DSCAM: variants seen among roughly 807,000 people sequenced by gnomAD.
DSCAM encodes DS cell adhesion molecule.
Under a neutral mutation model 217.7 loss-of-function variants are expected in DSCAM, and 47 were observed. The ratio of observed to expected loss-of-function variants is 0.22; its 90% CI spans 0.17 to 0.28. The LOEUF is 0.28. Ranked by LOEUF, DSCAM falls within the 10% of genes least tolerant of loss-of-function variation. The pLI is 1.00. For missense variants in DSCAM, 2,080 were observed against 2,618.3 expected (o/e 0.79, Z 4.49); for synonymous variants, 1,056 against 1,015.3 (o/e 1.04, Z -0.76).
chr21:40,724,808 G>A lies in DSCAM; in HGVS notation c.44-16037C>T, dbSNP rs13051657. Among the ~76,000 whole-genome samples the A allele has an allele frequency of 3.7e-3, 559 of 152,264 alleles. 2 individuals are homozygous for A. The highest frequency in any genetic ancestry group is 6.7e-3 in the Non-Finnish European group (456 of 68,018). On this transcript the variant is annotated intron_variant, in intron 1 of 32. Transcript: ENST00000400454. ...TCTTAGTTTCATTGACTAATACACT[G>A]TTGAGCATTATTTTCTTTTGCTAGA...
At chr21:40,137,275 C>A (rs2090223071) in intron 18 of DSCAM, among the ~76,000 whole-genome samples, 2 of 135,210 alleles carry the variant, frequency 1.5e-5, no homozygotes, top group Admixed American at 7.6e-5. Flanking sequence ...GGGGGGGGTT[C>A]AAGTTATTTT....
chr21:40,308,757 A>G (rs543396681), intron 9 of DSCAM, among the ~76,000 whole-genome samples: 2 of 152,226 alleles, frequency 1.3e-5, no homozygotes, highest in South Asian at 4.1e-4. Flanking sequence ...TATTAGACCA[A>G]TTTTATAGTT....
intron 24 of DSCAM, among the ~76,000 whole-genome samples, chr21:40,081,766 C>T (rs2089464395): frequency 2.0e-5 from 3 of 152,194 alleles, no homozygotes; most frequent in Admixed American, 6.5e-5. Flanking sequence ...AGTGTGGGCA[C>T]ACAACTTACG....
intron 32 of DSCAM, among the ~76,000 whole-genome samples, chr21:40,020,908 C>T (rs1182477041): frequency 6.6e-6 from 1 of 152,118 alleles, no homozygotes; most frequent in Non-Finnish European, 1.5e-5. Context: ...GCCCTGAGGC[C>T]AATGCCCTTC....
chr21:40,260,610 A>G (rs1005699179), intron 11 of DSCAM, among the ~76,000 whole-genome samples: 2 of 152,196 alleles, frequency 1.3e-5, no homozygotes, highest in East Asian at 1.9e-4. Flanking sequence ...CTTGCATTCT[A>G]CAAAGAATAA....
chr21:40,520,575 G>A (rs1455334217), intron 3 of DSCAM, among the ~76,000 whole-genome samples: 6 of 152,086 alleles, frequency 3.9e-5, no homozygotes, highest in African/African-American at 1.2e-4. Context: ...TTGGGAGGCC[G>A]AGGCGGGCAG....
intron 24 of DSCAM, among the ~76,000 whole-genome samples, chr21:40,083,462 C>T (rs1183946758): frequency 1.3e-5 from 2 of 152,218 alleles, no homozygotes; most frequent in Non-Finnish European, 2.9e-5. Flanking sequence ...CTTGTTTATA[C>T]ACCTCAACTA....
intron 19 of DSCAM, among the ~76,000 whole-genome samples, chr21:40,125,350 C>T (rs1168734561): frequency 1.3e-5 from 2 of 152,096 alleles, no homozygotes; most frequent in Non-Finnish European, 2.9e-5. Flanking sequence ...GTCAAAGGTG[C>T]CAGTGAGGAA....
chr21:40,291,086 C>T (rs2073886391), intron 10 of DSCAM, among the ~76,000 whole-genome samples: 1 of 152,202 alleles, frequency 6.6e-6, no homozygotes, highest in African/African-American at 2.4e-5. Flanking sequence ...GTCGTCCTGT[C>T]TGTCACCGGC....
At position 40,251,308 on chromosome 21, in the gene DSCAM, G is replaced by A. The variant is rs558303942; in HGVS notation, c.2356+24789C>T. Among the ~76,000 whole-genome samples, 10 of 152,266 alleles carry A rather than the reference G, an allele frequency of 6.6e-5. No individual in the cohort carries two copies. In the East Asian group the frequency reaches 1.9e-3, roughly 29 times the overall value. On this transcript the variant is annotated intron_variant, in intron 11 of 32. Coordinates refer to ENST00000400454, the MANE Select transcript of DSCAM (RefSeq NM_001389.5). Reference sequence around the variant, plus strand: ...GCTAAGTTATTAAACAGTACATTCAGATGTTTCTAGTTACAGAAAAATGCT... The same window carrying A: ...GCTAAGTTATTAAACAGTACATTCAAATGTTTCTAGTTACAGAAAAATGCT...
intron 15 of DSCAM, among the ~76,000 whole-genome samples, chr21:40,174,211 G>A (rs765795224): frequency 2.0e-5 from 3 of 152,292 alleles, no homozygotes; most frequent in Admixed American, 1.3e-4. Context: ...TGAAGACTGC[G>A]CTGAATGGTG....
At chr21:40,178,797 C>G (rs1052324988) in intron 15 of DSCAM, 130 bp downstream of exon 15, 2 of 1,101,602 alleles carry the variant, frequency 1.8e-6, no homozygotes, top group Non-Finnish European at 2.6e-6. Flanking sequence ...GGGCACAGAA[C>G]TACGGAGAGC....
At chr21:40,156,101 T>C (rs910446049) in intron 16 of DSCAM, among the ~76,000 whole-genome samples, 1 of 151,108 alleles carries the variant, frequency 6.6e-6, no homozygotes, top group East Asian at 1.9e-4. Flanking sequence ...AATTAAAGAA[T>C]AACTAAGAGA....
At chr21:40,610,269 G>A (rs1170558777) in intron 3 of DSCAM, among the ~76,000 whole-genome samples, 1 of 152,232 alleles carries the variant, frequency 6.6e-6, no homozygotes, top group Non-Finnish European at 1.5e-5. Flanking sequence ...GCCACTCGGT[G>A]TACATTTCTC....
At chr21:40,107,170 A>T (rs2089831728) in intron 20 of DSCAM, among the ~76,000 whole-genome samples, 1 of 152,106 alleles carries the variant, frequency 6.6e-6, no homozygotes, top group Non-Finnish European at 1.5e-5. Flanking sequence ...GGTACATTGT[A>T]TCTTTGTTCT....
intron 3 of DSCAM, among the ~76,000 whole-genome samples, chr21:40,665,318 G>C (rs1568971830): frequency 6.6e-6 from 1 of 152,066 alleles, no homozygotes; most frequent in Non-Finnish European, 1.5e-5. Flanking sequence ...GTCAATACCT[G>C]TGGACAGAAT....
At chr21:40,344,414 T>A (rs957548443) in intron 6 of DSCAM, among the ~76,000 whole-genome samples, 1 of 152,236 alleles carries the variant, frequency 6.6e-6, no homozygotes, top group Non-Finnish European at 1.5e-5. Flanking sequence ...ACTTCATTTA[T>A]CATTTATTAA....
chr21:40,520,059 A>G (rs968603787), intron 3 of DSCAM, among the ~76,000 whole-genome samples: 3 of 152,130 alleles, frequency 2.0e-5, no homozygotes, highest in African/African-American at 7.2e-5. Context: ...TCTTGCATCT[A>G]TTAGAAGGCA....
At chr21:40,836,891 G>A (rs750010696) in intron 1 of DSCAM, among the ~76,000 whole-genome samples, 1 of 152,208 alleles carries the variant, frequency 6.6e-6, no homozygotes, top group African/African-American at 2.4e-5. Flanking sequence ...CACCTGGGGA[G>A]CTTTCCAAAC....
Sources: allele counts gnomAD v4.1 joint callset (sites outside exome capture counted in the v4.1 genomes callset), GRCh38; gene constraint gnomAD v4.1.1; transcripts MANE v1.5; gene names NCBI Gene and HGNC (gene_info 2026-07-23, HGNC 2026-07-21).